The following LIN7A variants were observed in gnomAD, a reference collection of about 807,000 sequenced individuals.
LIN7A encodes lin-7 cell polarity scaffold A.
In LIN7A, 25 loss-of-function variants were observed where a neutral mutation model predicts 29.8. That is an observed-to-expected ratio of 0.84 (90% CI 0.61 to 1.17). LIN7A has a LOEUF of 1.17. Among genes scored for constraint, LIN7A ranks in the 50% most tolerant of loss-of-function variants. LIN7A has a pLI of 0.00. For missense variants in LIN7A, 239 were observed against 287.0 expected (o/e 0.83, Z 1.21); for synonymous variants, 118 against 107.5 (o/e 1.10, Z -0.60).
chr12:80,936,960 G>A (rs1393414161), intron 1 of LIN7A: 1 of 152,204 alleles, frequency 6.6e-6, no homozygotes, highest in Non-Finnish European at 1.5e-5. Context: ...GGCGGCGGGA[G>A]CAGACGCGAC....
intron 2 of LIN7A, among the ~76,000 whole-genome samples, chr12:80,878,537 C>T (rs187214749): frequency 6.6e-6 from 1 of 152,154 alleles, no homozygotes; most frequent in African/African-American, 2.4e-5. Flanking sequence ...GTGGCACAGA[C>T]CCAAAGAGTG....
rs1262992030 is a variant in LIN7A at position 80,793,737 on chromosome 12, G to A, written c.*3990C>T. ...AAATGATCTTTTGAAAATAGGAAGA[G>A]ATTTAGGGATGGTGTCTCCAATTAT... On this transcript the variant is annotated 3_prime_UTR_variant, in exon 6 of 6. Transcript: ENST00000552864. 6.6e-6 allele frequency: 1 copy of A among 152,160 alleles called. No homozygotes were observed. The highest frequency in any genetic ancestry group is 1.5e-5 in the Non-Finnish European group (1 of 68,008). 9.4% of individuals were successfully genotyped at this position (152,160 alleles called of 1,614,324 possible).
At chr12:80,925,183 G>T (rs548672953) in intron 1 of LIN7A, among the ~76,000 whole-genome samples, 2 of 152,142 alleles carry the variant, frequency 1.3e-5, no homozygotes, top group Non-Finnish European at 2.9e-5. Context: ...TATTTTTAGG[G>T]TGACAGCCAT....
intron 2 of LIN7A, among the ~76,000 whole-genome samples, chr12:80,851,403 T>C (rs992358143): frequency 1.3e-5 from 2 of 151,564 alleles, no homozygotes; most frequent in Non-Finnish European, 2.9e-5. Flanking sequence ...GATTAGCTGG[T>C]TTTCAAAAGT....
intron 1 of LIN7A, among the ~76,000 whole-genome samples, chr12:80,892,216 C>A (rs1875661141): frequency 6.6e-6 from 1 of 152,162 alleles, no homozygotes; most frequent in Non-Finnish European, 1.5e-5. Context: ...CACAGAATTC[C>A]ACATCCCTGT....
intron 4 of LIN7A, among the ~76,000 whole-genome samples, chr12:80,833,547 A>G (rs923587666): frequency 6.6e-6 from 1 of 152,162 alleles, no homozygotes; most frequent in African/African-American, 2.4e-5. Flanking sequence ...AGAATAACCT[A>G]TAAAAATTCA....
chr12:80,894,796 C>G (rs1875800608), intron 1 of LIN7A, among the ~76,000 whole-genome samples: 3 of 152,146 alleles, frequency 2.0e-5, no homozygotes. Flanking sequence ...TTAGTCAGAG[C>G]TTACTTGTCT....
intron 1 of LIN7A, among the ~76,000 whole-genome samples, chr12:80,917,022 T>C (rs1045571509): frequency 6.6e-6 from 1 of 152,090 alleles, no homozygotes; most frequent in Non-Finnish European, 1.5e-5. Flanking sequence ...AAAAACAAAT[T>C]AAGCTGGGAT....
At chr12:80,866,662 A>G (rs1350461159) in intron 2 of LIN7A, among the ~76,000 whole-genome samples, 1 of 152,190 alleles carries the variant, frequency 6.6e-6, no homozygotes, top group African/African-American at 2.4e-5. Context: ...TGAGACTTTC[A>G]AAAGCACTCT....
chr12:80,833,948 T>C (rs1390637446), intron 4 of LIN7A, among the ~76,000 whole-genome samples: 1 of 152,202 alleles, frequency 6.6e-6, no homozygotes, highest in Non-Finnish European at 1.5e-5. Context: ...TCTTTCCCTC[T>C]TGATTATCTC....
intron 2 of LIN7A, among the ~76,000 whole-genome samples, chr12:80,882,142 T>C (rs1875078322): frequency 6.6e-6 from 1 of 151,998 alleles, no homozygotes; most frequent in Admixed American, 6.6e-5. Flanking sequence ...ACTACATACA[T>C]AGGTACATAT....
chr12:80,811,607 C>T lies in LIN7A; in HGVS notation c.560G>A (p.Arg187Gln), dbSNP rs754039114. The change falls in exon 5 of 6, where the codon CGA becomes CAA. Residue 187 changes from arginine to glutamine, a missense_variant. Arg to Gln is a conservative substitution (Grantham distance 43). Coordinates refer to ENST00000552864, the MANE Select transcript of LIN7A (RefSeq NM_004664.4). Reference sequence around the variant, plus strand: ...TTCTTCCAGAACTTTTGGGGTGTATCGCACCACCAGCTTGACGCTGTCTTT... The same window carrying T: ...TTCTTCCAGAACTTTTGGGGTGTATTGCACCACCAGCTTGACGCTGTCTTT... ...AAKDSVKLVVRYTPKVLEEME... is the reference protein window; with the variant it reads ...AAKDSVKLVVQYTPKVLEEME... 8.1e-6 allele frequency: 13 copies of T among 1,614,002 alleles called. No individual in the cohort carries two copies. Among genetic ancestry groups the T allele is most frequent in the African/African-American group, 1.3e-5 (1 of 74,994 alleles).
chr12:80,797,938 G>T (rs1870532094), intron 5 of LIN7A, among the ~76,000 whole-genome samples: 1 of 152,198 alleles, frequency 6.6e-6, no homozygotes, highest in African/African-American at 2.4e-5. Flanking sequence ...AGCCACAGTT[G>T]TTCCCTAAAA....
intron 2 of LIN7A, among the ~76,000 whole-genome samples, chr12:80,851,856 A>G (rs866409338): frequency 9.9e-5 from 15 of 152,164 alleles, no homozygotes; most frequent in African/African-American, 3.1e-4. Context: ...TCTCAGCATT[A>G]TTAATTTCCT....
At chr12:80,813,248 T>C (rs1288669949) in intron 4 of LIN7A, among the ~76,000 whole-genome samples, 1 of 152,212 alleles carries the variant, frequency 6.6e-6, no homozygotes. Flanking sequence ...CCTGACCTTG[T>C]GATCCGCCCA....
chr12:80,869,352 G>A (rs567838906), intron 2 of LIN7A, among the ~76,000 whole-genome samples: 2 of 152,172 alleles, frequency 1.3e-5, no homozygotes, highest in South Asian at 4.2e-4. Flanking sequence ...ATTCTGTAGT[G>A]TGGGGAGTTC....
chr12:80,851,231 A>C (rs1873315142), intron 2 of LIN7A, among the ~76,000 whole-genome samples: 1 of 151,364 alleles, frequency 6.6e-6, no homozygotes, highest in Non-Finnish European at 1.5e-5. Flanking sequence ...GAGGGCTGCA[A>C]ATATACAATA....
intron 4 of LIN7A, among the ~76,000 whole-genome samples, chr12:80,830,643 A>G (rs1000997510): frequency 1.3e-5 from 2 of 152,200 alleles, no homozygotes; most frequent in African/African-American, 4.8e-5. Flanking sequence ...ATTTTTTTTA[A>G]TTAGAAAAAA....
chr12:80,928,190 T>C (rs1327650363), intron 1 of LIN7A, among the ~76,000 whole-genome samples: 1 of 152,196 alleles, frequency 6.6e-6, no homozygotes, highest in Non-Finnish European at 1.5e-5. Flanking sequence ...GTCTTTATAG[T>C]AGCATGATTT....
Sources: allele counts gnomAD v4.1 joint callset (sites outside exome capture counted in the v4.1 genomes callset), GRCh38; gene constraint gnomAD v4.1.1; transcripts MANE v1.5; gene names NCBI Gene and HGNC (gene_info 2026-07-23, HGNC 2026-07-21).